Variants in ZFAT observed in about 807,000 individuals in gnomAD.
ZFAT encodes zinc finger and AT-hook domain containing, also known as zinc finger protein ZFAT.
Under a neutral mutation model 117.7 loss-of-function variants are expected in ZFAT, and 64 were observed. The observed-to-expected ratio is 0.54, with a 90% CI of 0.44 to 0.67. The LOEUF (loss-of-function observed/expected upper bound fraction) is 0.67. ZFAT is among the 30% of genes least tolerant of loss of function. The pLI, the probability that ZFAT is intolerant of heterozygous loss-of-function variation, is 0.00. For missense variants in ZFAT, 1,433 were observed against 1,584.5 expected (o/e 0.90, Z 1.62); for synonymous variants, 679 against 615.0 (o/e 1.10, Z -1.54).
the ZFAT span, among the ~76,000 whole-genome samples, chr8:134,798,725 A>G: frequency 1.3e-5 from 2 of 152,126 alleles, no homozygotes; most frequent in Admixed American, 6.5e-5. Flanking sequence ...TGGCCATTAA[A>G]CAAGAAGAAA....
chr8:134,775,210 C>T, the ZFAT span, among the ~76,000 whole-genome samples: 1 of 152,154 alleles, frequency 6.6e-6, no homozygotes, highest in African/African-American at 2.4e-5. Context: ...TATGAAGTCC[C>T]CGTGGATCTA....
At chr8:134,506,583 C>CATTACTT (rs1167240841) in intron 15 of ZFAT, among the ~76,000 whole-genome samples, 1 of 152,188 alleles carries the variant, frequency 6.6e-6, no homozygotes, top group Non-Finnish European at 1.5e-5. Flanking sequence ...CCAGGCCTGC[C>CATTACTT]ATTACTTTCA....
the ZFAT span, among the ~76,000 whole-genome samples, chr8:134,823,453 T>C: frequency 2.6e-5 from 4 of 152,202 alleles, no homozygotes; most frequent in East Asian, 3.8e-4. Context: ...CTTATATACA[T>C]TAATTCCTGG....
At chr8:134,590,729 AC>A (rs1425276921) in intron 7 of ZFAT, among the ~76,000 whole-genome samples, 1 of 125,750 alleles carries the variant, frequency 8.0e-6, no homozygotes, top group Non-Finnish European at 1.7e-5. Context: ...TACCACCACC[AC>A]CAACACCACC....
At chr8:134,781,461 T>G in the ZFAT span, among the ~76,000 whole-genome samples, 1,981 of 152,314 alleles carry the variant, frequency 0.013, 36 homozygotes, top group African/African-American at 0.043. Flanking sequence ...TTACTCAAGA[T>G]CCTAATAGCA....
intron 1 of ZFAT, among the ~76,000 whole-genome samples, chr8:134,694,145 G>T (rs544927138): frequency 6.6e-6 from 1 of 152,188 alleles, no homozygotes; most frequent in Non-Finnish European, 1.5e-5. Context: ...CTGGAACGCG[G>T]GGCGCAGCTG....
At chr8:134,699,474 T>C (rs1208882841) in intron 1 of ZFAT, among the ~76,000 whole-genome samples, 1 of 152,134 alleles carries the variant, frequency 6.6e-6, no homozygotes, top group African/African-American at 2.4e-5. Flanking sequence ...CGTTTCCTAA[T>C]CTGTATAATG....
chr8:134,670,147 A>G (rs1344141222), intron 1 of ZFAT, among the ~76,000 whole-genome samples: 1 of 152,216 alleles, frequency 6.6e-6, no homozygotes, highest in Non-Finnish European at 1.5e-5. Flanking sequence ...CCACACAATA[A>G]TAATGGGAGA....
chr8:134,602,004 AGGGCTGTGCTTTCGGCCTGCGG>A lies in ZFAT; in HGVS notation c.1693_1714del (p.Pro565CysfsTer28), dbSNP rs1419952191. 2 of 1,613,106 alleles carry A rather than the reference AGGGCTGTGCTTTCGGCCTGCGG, an allele frequency of 1.2e-6. No individual in the cohort carries two copies. The highest frequency in any genetic ancestry group is 1.7e-6 in the Non-Finnish European group (2 of 1,179,816). ...GGTGGTTTCCAGCTCACAGGGTGGCAGGGCTGTGCTTTCGGCCTGCGGGGAGGCCAGGTGCACAGCTGGGGCA... is the reference window on the plus strand; with the variant it reads ...GGTGGTTTCCAGCTCACAGGGTGGCAGGAGGCCAGGTGCACAGCTGGGGCA... On this transcript the variant is annotated frameshift_variant, in exon 6 of 16. Transcript: ENST00000377838. LOFTEE classifies it high-confidence loss of function.
chr8:134,493,372 G>A (rs1302711282), intron 15 of ZFAT, among the ~76,000 whole-genome samples: 5 of 152,222 alleles, frequency 3.3e-5, no homozygotes, highest in African/African-American at 7.2e-5. Context: ...GAAACAGGCT[G>A]AGAGGAGCAA....
chr8:134,638,029 C>A (rs963963097), intron 2 of ZFAT, among the ~76,000 whole-genome samples: 2 of 152,136 alleles, frequency 1.3e-5, no homozygotes, highest in African/African-American at 4.8e-5. Flanking sequence ...ACAAATCCTG[C>A]CCCTTGTTAA....
the ZFAT span, among the ~76,000 whole-genome samples, chr8:134,771,354 C>T: frequency 1.3e-5 from 2 of 152,146 alleles, no homozygotes; most frequent in Admixed American, 1.3e-4. Context: ...TTAACAGCAC[C>T]CAAGTCACCT....
intron 6 of ZFAT, 105 bp from the exon 7 acceptor site, chr8:134,600,773 C>G (rs185442799): frequency 4.2e-6 from 4 of 947,478 alleles, no homozygotes; most frequent in African/African-American, 1.7e-5. Context: ...CTCCCTCTTG[C>G]GCTTGTCCGG....
intron 1 of ZFAT, among the ~76,000 whole-genome samples, chr8:134,678,896 C>T (rs2131291422): frequency 6.6e-6 from 1 of 152,266 alleles, no homozygotes; most frequent in East Asian, 1.9e-4. Flanking sequence ...ATGCAGAAAG[C>T]TGAAACTGGA....
chr8:134,731,001 G>A, the ZFAT span, among the ~76,000 whole-genome samples: 20 of 152,278 alleles, frequency 1.3e-4, no homozygotes, highest in East Asian at 3.1e-3. Context: ...CTCTATTGCC[G>A]GAGGTGTCCA....
intron 11 of ZFAT, among the ~76,000 whole-genome samples, chr8:134,564,192 C>CA (rs55811622): frequency 0.044 from 2,534 of 57,372 alleles, 256 homozygotes; most frequent in African/African-American, 0.15. Context: ...GACTCCTTCT[C>CA]AAAAAAAAAA....
chr8:134,831,549 T>C, the ZFAT span, among the ~76,000 whole-genome samples: 21 of 152,342 alleles, frequency 1.4e-4, no homozygotes, highest in African/African-American at 4.8e-4. Flanking sequence ...AGTTTTGCTG[T>C]GAAATCCGCC....
intron 11 of ZFAT, among the ~76,000 whole-genome samples, chr8:134,543,764 T>C (rs1376290068): frequency 1.3e-5 from 2 of 152,210 alleles, no homozygotes; most frequent in African/African-American, 4.8e-5. Flanking sequence ...AAGGAACAAG[T>C]TGATCACGTT....
chr8:134,528,172 G>A (rs1253704358), intron 12 of ZFAT, among the ~76,000 whole-genome samples: 8 of 152,228 alleles, frequency 5.3e-5, no homozygotes, highest in Non-Finnish European at 8.8e-5. Flanking sequence ...AGGCACAGAC[G>A]TTGAATCAGG....
Sources: gnomAD v4.1 joint callset for allele counts (sites outside exome capture counted in the v4.1 genomes callset) on GRCh38, gnomAD v4.1.1 for gene constraint, MANE v1.5 for transcripts, NCBI Gene and HGNC (gene_info 2026-07-23, HGNC 2026-07-21) for gene names.